Variants in LRRTM4 observed in about 807,000 individuals in gnomAD.
LRRTM4 encodes the protein leucine rich repeat transmembrane neuronal 4.
In LRRTM4, 25 loss-of-function variants were observed where a neutral mutation model predicts 47.6. The ratio of observed to expected loss-of-function variants is 0.53; its 90% confidence interval spans 0.38 to 0.73. The LOEUF (loss-of-function observed/expected upper bound fraction) is 0.73, where lower values mean the gene tolerates loss of function less well. Among genes scored for constraint, LRRTM4 ranks in the 30% least tolerant of loss-of-function variants. LRRTM4 has a pLI of 0.00. For missense variants in LRRTM4, 638 were observed against 713.4 expected (o/e 0.89, Z 1.20); for synonymous variants, 311 against 269.5 (o/e 1.15, Z -1.51).
At chr2:77,490,917 T>A (rs1454247048) in intron 3 of LRRTM4, among the ~76,000 whole-genome samples, 1 of 151,960 alleles carries the variant, frequency 6.6e-6, no homozygotes, top group Non-Finnish European at 1.5e-5. Context: ...AACTGAAAAA[T>A]GTTGAAAAGG....
intron 3 of LRRTM4, among the ~76,000 whole-genome samples, chr2:77,064,787 G>T (rs890338316): frequency 1.3e-5 from 2 of 152,018 alleles, no homozygotes; most frequent in Admixed American, 1.3e-4. Context: ...GTCACAGATT[G>T]GGGGGACTTT....
chr2:76,796,559 T>C lies in LRRTM4; in HGVS notation c.1552-47643A>G, dbSNP rs1322951904. ...CCCCAAGCACGGGCACACTGACACCTCACACGGCAGGGTATTCCAACAGAC... is the reference window on the plus strand; with the variant it reads ...CCCCAAGCACGGGCACACTGACACCCCACACGGCAGGGTATTCCAACAGAC... On this transcript the variant is annotated intron_variant, in intron 3 of 3. Coordinates refer to ENST00000409884, the MANE Select transcript of LRRTM4 (RefSeq NM_001134745.3). Among the ~76,000 whole-genome samples the C allele has an allele frequency of 3.3e-5, 4 of 122,196 alleles. 1 individual carries two copies. Among genetic ancestry groups the C allele is most frequent in the Middle Eastern group, 3.8e-3 (1 of 262 alleles). 80.2% of individuals were successfully genotyped at this position (122,196 alleles called of 152,430 possible).
chr2:76,974,256 A>G (rs894235533), intron 3 of LRRTM4, among the ~76,000 whole-genome samples: 1 of 142,238 alleles, frequency 7.0e-6, no homozygotes, highest in Non-Finnish European at 1.5e-5. Flanking sequence ...ATATATATAC[A>G]CACACATACA....
intron 3 of LRRTM4, among the ~76,000 whole-genome samples, chr2:77,206,017 C>T (rs986760309): frequency 4.6e-5 from 7 of 151,682 alleles, no homozygotes; most frequent in African/African-American, 1.7e-4. Flanking sequence ...TTTTACCTTA[C>T]TTTTTGTAGA....
intron 3 of LRRTM4, among the ~76,000 whole-genome samples, chr2:76,996,793 G>T (rs1430711238): frequency 6.6e-6 from 1 of 152,092 alleles, no homozygotes; most frequent in African/African-American, 2.4e-5. Context: ...ATTAAGTGTA[G>T]TTATAGAAAA....
chr2:77,192,496 A>G (rs1327997877), intron 3 of LRRTM4, among the ~76,000 whole-genome samples: 1 of 152,162 alleles, frequency 6.6e-6, no homozygotes, highest in Non-Finnish European at 1.5e-5. Flanking sequence ...GTGATAGTTG[A>G]CTGAATCACT....
chr2:76,804,859 T>C (rs967343985), intron 3 of LRRTM4, among the ~76,000 whole-genome samples: 1 of 151,404 alleles, frequency 6.6e-6, no homozygotes, highest in South Asian at 2.1e-4. Flanking sequence ...GATTTGTTAA[T>C]AGATTTTTTT....
At chr2:76,794,511 T>C (rs994957861) in intron 3 of LRRTM4, among the ~76,000 whole-genome samples, 1 of 152,174 alleles carries the variant, frequency 6.6e-6, no homozygotes, top group Non-Finnish European at 1.5e-5. Context: ...GGCAAACATT[T>C]GCACCTCTTC....
intron 3 of LRRTM4, among the ~76,000 whole-genome samples, chr2:76,902,097 T>G (rs192296834): frequency 1.3e-5 from 2 of 152,298 alleles, no homozygotes; most frequent in African/African-American, 4.8e-5. Flanking sequence ...GAAAAGTTTT[T>G]AAAATGTGAA....
intron 3 of LRRTM4, among the ~76,000 whole-genome samples, chr2:77,158,765 A>G (rs1303252678): frequency 6.6e-6 from 1 of 151,932 alleles, no homozygotes; most frequent in Non-Finnish European, 1.5e-5. Flanking sequence ...CTTGTCTTTT[A>G]GTAATCTAAG....
intron 3 of LRRTM4, among the ~76,000 whole-genome samples, chr2:77,491,814 G>T (rs1167868086): frequency 6.6e-6 from 1 of 151,782 alleles, no homozygotes; most frequent in Non-Finnish European, 1.5e-5. Context: ...AAATGTGGGA[G>T]ACATCAGAAA....
chr2:77,358,330 T>A (rs1209079890), intron 3 of LRRTM4, among the ~76,000 whole-genome samples: 1 of 152,134 alleles, frequency 6.6e-6, no homozygotes. Context: ...CCAAGAGGCA[T>A]CCTGGCTTTA....
At chr2:77,502,395 C>A (rs2104079302) in intron 3 of LRRTM4, among the ~76,000 whole-genome samples, 1 of 151,286 alleles carries the variant, frequency 6.6e-6, no homozygotes, top group South Asian at 2.1e-4. Flanking sequence ...TATTAAAAAA[C>A]TGGGCCACAC....
intron 3 of LRRTM4, among the ~76,000 whole-genome samples, chr2:77,090,877 A>T (rs569142012): frequency 6.6e-6 from 1 of 152,154 alleles, no homozygotes; most frequent in South Asian, 2.1e-4. Context: ...AGCCCCCTAG[A>T]CCATCACGGA....
rs186461388 is a variant in LRRTM4, at chr2:77,136,651, G to T, written c.1551+381667C>A. On this transcript the variant is annotated intron_variant, in intron 3 of 3. Coordinates refer to ENST00000409884, the MANE Select transcript of LRRTM4 (RefSeq NM_001134745.3). ...GAATGACTTTTATGAGTTGAGAGAAGAAGCCTTCAGAGGATCAAATTTCTC... is the reference window on the plus strand; with the variant it reads ...GAATGACTTTTATGAGTTGAGAGAATAAGCCTTCAGAGGATCAAATTTCTC... Among the ~76,000 whole-genome samples the T allele has an allele frequency of 1.1e-3, 173 of 152,306 alleles. 1 individual carries two copies. Among genetic ancestry groups the T allele is most frequent in the Non-Finnish European group, 1.8e-3 (120 of 68,024 alleles).
chr2:77,109,399 T>C (rs146029750), intron 3 of LRRTM4, among the ~76,000 whole-genome samples: 2 of 152,344 alleles, frequency 1.3e-5, no homozygotes, highest in African/African-American at 4.8e-5. Context: ...TCCCTTCTCC[T>C]AGATTCTGGA....
intron 3 of LRRTM4, among the ~76,000 whole-genome samples, chr2:76,953,511 G>C (rs934794484): frequency 6.6e-6 from 1 of 151,878 alleles, no homozygotes; most frequent in Non-Finnish European, 1.5e-5. Context: ...GTGAGGGAAA[G>C]AGAAGAGTAG....
chr2:77,294,197 T>A (rs1676907345), intron 3 of LRRTM4, among the ~76,000 whole-genome samples: 1 of 152,194 alleles, frequency 6.6e-6, no homozygotes, highest in South Asian at 2.1e-4. Flanking sequence ...CTACTTCAGA[T>A]GGCACGCAGT....
intron 3 of LRRTM4, among the ~76,000 whole-genome samples, chr2:76,855,330 T>C (rs1006479083): frequency 3.3e-5 from 5 of 152,234 alleles, no homozygotes; most frequent in African/African-American, 1.2e-4. Context: ...ATGCCCTGCC[T>C]TACTGATAAT....
Sources: allele counts gnomAD v4.1 joint callset (sites outside exome capture counted in the v4.1 genomes callset), GRCh38; gene constraint gnomAD v4.1.1; transcripts MANE v1.5; gene names NCBI Gene and HGNC (gene_info 2026-07-23, HGNC 2026-07-21).